UBE2R2: variants seen among roughly 807,000 people sequenced by gnomAD.
UBE2R2 encodes the protein ubiquitin-conjugating enzyme E2 R2.
In UBE2R2, 1 loss-of-function variant was observed where a neutral mutation model predicts 27.8. The ratio of observed to expected loss-of-function variants is 0.04; its 90% CI spans 0.01 to 0.17. The LOEUF is 0.17. Among genes scored for constraint, UBE2R2 ranks in the 10% least tolerant of loss-of-function variants. The probability of loss-of-function intolerance (pLI) is 1.00; values close to 1 mark genes in which losing one functional copy is unlikely to be tolerated. For synonymous variants in UBE2R2, 106 were observed against 113.3 expected, an observed-to-expected ratio of 0.94 and a Z score of 0.41; for missense variants, 100 against 291.0, an observed-to-expected ratio of 0.34 and a Z score of 4.78.
At chr9:33,897,093 G>C (rs2130806190) in intron 2 of UBE2R2, among the ~76,000 whole-genome samples, 1 of 120,020 alleles carries the variant, frequency 8.3e-6, no homozygotes, top group East Asian at 2.9e-4. Context: ...CTGGAGTGCA[G>C]TGGCGCGATC....
intron 4 of UBE2R2, among the ~76,000 whole-genome samples, chr9:33,916,198 C>T (rs947758518): frequency 5.9e-5 from 9 of 152,000 alleles, no homozygotes; most frequent in Admixed American, 1.3e-4. Flanking sequence ...AAATTTAGCC[C>T]GGTGGGGTGG....
At chr9:33,891,342 A>G (rs949618006) in intron 2 of UBE2R2, among the ~76,000 whole-genome samples, 3 of 147,860 alleles carry the variant, frequency 2.0e-5, no homozygotes, top group African/African-American at 7.4e-5. Flanking sequence ...CCCAGCTCTT[A>G]TGTTTTTAAA....
chr9:33,886,928 C>G lies in UBE2R2; in HGVS notation c.225C>G (p.Phe75Leu), dbSNP rs1207326879. The stretch of plus-strand genomic sequence containing the variant: ...ACTACCCCTATTCACCACCTACCTT[C>G]AGATTCTTGACCAAAATGTGGCACC... The part of the protein sequence containing the change: ...PIDYPYSPPT[F>L]RFLTKMWHPN... The change falls in exon 2 of 5, where the codon TTC becomes TTG. Residue 75 changes from phenylalanine to leucine, a missense_variant. By Grantham distance (22) the Phe-to-Leu change is conservative. Transcript: ENST00000263228. 6.2e-7 allele frequency: 1 copy of G among 1,601,758 alleles called. No individual in the cohort carries two copies. The highest frequency in any genetic ancestry group is 8.5e-7 in the Non-Finnish European group (1 of 1,177,280).
chr9:33,870,439 G>A (rs891043628), intron 1 of UBE2R2, among the ~76,000 whole-genome samples: 2 of 152,244 alleles, frequency 1.3e-5, no homozygotes, highest in South Asian at 2.1e-4. Context: ...TACCATGCCC[G>A]GCTTTTATTT....
intron 3 of UBE2R2, among the ~76,000 whole-genome samples, chr9:33,903,916 G>T (rs1822298022): frequency 6.6e-6 from 1 of 152,326 alleles, no homozygotes; most frequent in South Asian, 2.1e-4. Context: ...AGGTATTTGG[G>T]TTGGAAATTG....
chr9:33,825,907 C>G (rs1018942096), intron 1 of UBE2R2, among the ~76,000 whole-genome samples: 1 of 152,064 alleles, frequency 6.6e-6, no homozygotes, highest in Non-Finnish European at 1.5e-5. Context: ...TTTTGGGAGG[C>G]GGAGGTGGGC....
rs1822671108 is a variant in UBE2R2, at chr9:33,917,253, C to T, written c.*16C>T. ...GGAGTCGTGACGTGCTCCTTCAGTG[C>T]CCCTGTACTGCCCTGCCATCTCAGG... On this transcript the variant is annotated 3_prime_UTR_variant, in exon 5 of 5. Coordinates refer to ENST00000263228, the MANE Select transcript of UBE2R2 (RefSeq NM_017811.4). The T allele has an allele frequency of 6.2e-7, 1 of 1,613,254 alleles. No homozygotes were observed. Among genetic ancestry groups the T allele is most frequent in the Non-Finnish European group, 8.5e-7 (1 of 1,179,854 alleles).
intron 2 of UBE2R2, among the ~76,000 whole-genome samples, chr9:33,887,967 G>A (rs539482981): frequency 6.6e-6 from 1 of 152,166 alleles, no homozygotes; most frequent in African/African-American, 2.4e-5. Context: ...GAGCCACCGC[G>A]CCTGGCCTAC....
intron 1 of UBE2R2, among the ~76,000 whole-genome samples, chr9:33,843,838 A>G (rs1820783514): frequency 6.6e-6 from 1 of 152,254 alleles, no homozygotes; most frequent in South Asian, 2.1e-4. Flanking sequence ...ATTACTTATA[A>G]TTCAGACAAC....
intron 1 of UBE2R2, among the ~76,000 whole-genome samples, chr9:33,859,799 T>TGA (rs376101396): frequency 0.019 from 1,623 of 86,496 alleles, 33 homozygotes; most frequent in African/African-American, 0.06. Flanking sequence ...TGTGTGTGTG[T>TGA]GAGAGAGAGA....
intron 2 of UBE2R2, among the ~76,000 whole-genome samples, chr9:33,898,690 G>A (rs1283832159): frequency 6.6e-6 from 1 of 152,106 alleles, no homozygotes; most frequent in East Asian, 1.9e-4. Flanking sequence ...AGGAGTTAGT[G>A]GCTGCAGTGC....
chr9:33,856,885 TCA>T (rs1281878168), intron 1 of UBE2R2, among the ~76,000 whole-genome samples: 2 of 137,308 alleles, frequency 1.5e-5, no homozygotes, highest in Non-Finnish European at 3.1e-5. Context: ...TTCCTTCCTT[TCA>T]CTTTTTTTTT....
intron 1 of UBE2R2, among the ~76,000 whole-genome samples, chr9:33,822,092 A>C (rs1000302705): frequency 7.9e-6 from 1 of 126,368 alleles, no homozygotes. Flanking sequence ...ATATATATAT[A>C]TATATTTTTT....
intron 1 of UBE2R2, among the ~76,000 whole-genome samples, chr9:33,831,879 T>C (rs1057132104): frequency 2.6e-5 from 4 of 151,848 alleles, no homozygotes; most frequent in Non-Finnish European, 4.4e-5. Flanking sequence ...CAGGCTGGTC[T>C]CAAACTCCCG....
chr9:33,819,461 G>C (rs1825922569), intron 1 of UBE2R2, among the ~76,000 whole-genome samples: 2 of 152,158 alleles, frequency 1.3e-5, no homozygotes, highest in Non-Finnish European at 2.9e-5. Context: ...TTTGTGGTCA[G>C]CCTACCCTAT....
At chr9:33,898,006 C>T (rs1299126733) in intron 2 of UBE2R2, among the ~76,000 whole-genome samples, 1 of 151,818 alleles carries the variant, frequency 6.6e-6, no homozygotes, top group Non-Finnish European at 1.5e-5. Flanking sequence ...AACTCCTGAC[C>T]TCAGGTGATC....
upstream of UBE2R2, among the ~76,000 whole-genome samples, chr9:33,816,753 G>A (rs1323918076): frequency 6.6e-6 from 1 of 152,220 alleles, no homozygotes; most frequent in Non-Finnish European, 1.5e-5. Context: ...GACCAGGCCC[G>A]TCCCAGGATG....
intron 1 of UBE2R2, among the ~76,000 whole-genome samples, chr9:33,821,587 G>A (rs1445477579): frequency 1.3e-5 from 2 of 151,992 alleles, no homozygotes; most frequent in South Asian, 4.1e-4. Context: ...GCCAGAAAGA[G>A]TGCCTCTTTT....
intron 1 of UBE2R2, among the ~76,000 whole-genome samples, chr9:33,840,737 T>A (rs193255356): frequency 3.9e-4 from 60 of 152,270 alleles, no homozygotes; most frequent in Middle Eastern, 3.4e-3. Flanking sequence ...TGGGTTTTTT[T>A]AAAATTTTTT....
Sources: gnomAD v4.1 joint callset for allele counts (sites outside exome capture counted in the v4.1 genomes callset) on GRCh38, gnomAD v4.1.1 for gene constraint, MANE v1.5 for transcripts, NCBI Gene and HGNC (gene_info 2026-07-23, HGNC 2026-07-21) for gene names.